The following TSPEAR variants were observed in gnomAD, a reference collection of about 807,000 sequenced individuals.
TSPEAR encodes the protein thrombospondin type laminin G domain and EAR repeats.
In TSPEAR, 69 loss-of-function variants were observed where a neutral mutation model predicts 71.6. The observed-to-expected ratio is 0.96, with a 90% CI of 0.79 to 1.18. The LOEUF (loss-of-function observed/expected upper bound fraction) is 1.18. Ranked by LOEUF, TSPEAR falls within the 50% of genes most tolerant of loss-of-function variation. TSPEAR has a pLI of 0.00. For missense variants in TSPEAR, 971 were observed against 894.9 expected (o/e 1.09, Z -1.09); for synonymous variants, 402 against 387.2 (o/e 1.04, Z -0.45).
At chr21:44,511,903 G>A (rs1327332451) in intron 9 of TSPEAR, among the ~76,000 whole-genome samples, 2 of 152,268 alleles carry the variant, frequency 1.3e-5, no homozygotes, top group Admixed American at 1.3e-4. Context: ...GCTGAGCCGG[G>A]CATCACATCT....
chr21:44,511,370 A>ACACACACAGG (rs377561823), intron 9 of TSPEAR, among the ~76,000 whole-genome samples: 1 of 152,268 alleles, frequency 6.6e-6, no homozygotes, highest in African/African-American at 2.4e-5. Flanking sequence ...GTACACACAC[A>ACACACACAGG]CATATATGCT....
rs1479596545 is a variant in TSPEAR, at chr21:44,520,716, C to G, written c.1566+1167G>C. On this transcript the variant is annotated intron_variant, in intron 9 of 11. Transcript: ENST00000323084. The surrounding 1 kb of genome is among the most constrained non-coding windows in gnomAD (Gnocchi z 4.2). Reference sequence around the variant, plus strand: ...TCTTCCTCCCTTCTGTTTTGAAGCTCATTCCCATGTGCTACCTGCAGGCTT... The same window carrying G: ...TCTTCCTCCCTTCTGTTTTGAAGCTGATTCCCATGTGCTACCTGCAGGCTT... The G allele has an allele frequency of 6.6e-6, 1 of 152,296 alleles. No homozygotes were observed. Among genetic ancestry groups the G allele is most frequent in the Non-Finnish European group, 1.5e-5 (1 of 68,082 alleles). 9.4% of individuals were successfully genotyped at this position (152,296 alleles called of 1,614,324 possible).
At position 44,529,948 on chromosome 21, in the gene TSPEAR, C is replaced by A. The variant is rs782701652; in HGVS notation, c.640G>T (p.Val214Leu). The A allele has an allele frequency of 1.3e-6, 2 of 1,597,628 alleles. No homozygotes were observed. The highest frequency in any genetic ancestry group is 1.7e-6 in the Non-Finnish European group (2 of 1,175,330). ...CCCGGCAGCAGGACCAGTTGCCTCACCAGTCCCTGCAGAGAGAGGGACAGC... is the reference window on the plus strand; with the variant it reads ...CCCGGCAGCAGGACCAGTTGCCTCAACAGTCCCTGCAGAGAGAGGGACAGC... ...RRAKGLFMGL[V>L]RQLVLLPGSD... The change falls in exon 5 of 12, where the codon GTG becomes TTG. Residue 214 changes from valine to leucine, a missense_variant. Physicochemically the swap from Val to Leu is conservative, Grantham distance 32. Coordinates refer to ENST00000323084, the MANE Select transcript of TSPEAR (RefSeq NM_144991.3).
At chr21:44,622,970 C>T (rs1982540521) in intron 1 of TSPEAR, among the ~76,000 whole-genome samples, 1 of 152,026 alleles carries the variant, frequency 6.6e-6, no homozygotes, top group Non-Finnish European at 1.5e-5. Flanking sequence ...ACCTCCCATC[C>T]CCCACTCTCT....
intron 1 of TSPEAR, chr21:44,592,555 A>G (rs1459511561): frequency 1.3e-6 from 2 of 1,546,966 alleles, no homozygotes; most frequent in South Asian, 2.5e-5. Flanking sequence ...CTTTTATTCC[A>G]CCTGGCCTTG....
Position 44,512,260 on chromosome 21 carries a change from A to T in TSPEAR, c.1567-2874T>A, listed in dbSNP as rs188450867. On this transcript the variant is annotated intron_variant, in intron 9 of 11. Coordinates refer to ENST00000323084, the MANE Select transcript of TSPEAR (RefSeq NM_144991.3). Reference sequence around the variant, plus strand: ...GAGGAGGCTTTTGAGCAGAACGAGGAGGTCAGATGTATGTGGACGGCTCTG... The same window carrying T: ...GAGGAGGCTTTTGAGCAGAACGAGGTGGTCAGATGTATGTGGACGGCTCTG... Among the ~76,000 whole-genome samples the T allele has an allele frequency of 6.2e-3, 861 of 138,494 alleles. 9 individuals carry two copies. Among genetic ancestry groups the T allele is most frequent in the African/African-American group, 0.022 (822 of 36,810 alleles). 90.9% of individuals were successfully genotyped at this position (138,494 alleles called of 152,430 possible).
intron 1 of TSPEAR, among the ~76,000 whole-genome samples, chr21:44,655,016 A>T (rs1279217543): frequency 6.6e-6 from 1 of 152,200 alleles, no homozygotes; most frequent in Non-Finnish European, 1.5e-5. Context: ...TGAGAAGCTC[A>T]GTCATCATCA....
chr21:44,517,962 G>C, intron 9 of TSPEAR: 2 of 419,224 alleles, frequency 4.8e-6, no homozygotes, highest in Non-Finnish European at 4.9e-6. Flanking sequence ...TTTTTTTCTA[G>C]AACTTTGGTT....
intron 1 of TSPEAR, chr21:44,646,353 G>C (rs903410285): frequency 6.8e-7 from 1 of 1,467,298 alleles, no homozygotes; most frequent in Middle Eastern, 2.5e-4. Context: ...ACATGCCAGG[G>C]AGGGATTTAA....
intron 1 of TSPEAR, among the ~76,000 whole-genome samples, chr21:44,688,369 A>G (rs1306067732): frequency 3.3e-5 from 5 of 152,184 alleles, no homozygotes; most frequent in Admixed American, 3.3e-4. Flanking sequence ...CACCTTCCCA[A>G]GACCACCACA....
intron 2 of TSPEAR, among the ~76,000 whole-genome samples, chr21:44,549,221 T>C (rs1555918151): frequency 6.6e-6 from 1 of 152,092 alleles, no homozygotes; most frequent in Non-Finnish European, 1.5e-5. Flanking sequence ...AGGAAAGGAA[T>C]GTGAGCTGGT....
chr21:44,570,133 C>T (rs2053771486), intron 1 of TSPEAR, among the ~76,000 whole-genome samples: 1 of 152,160 alleles, frequency 6.6e-6, no homozygotes, highest in Non-Finnish European at 1.5e-5. Context: ...GGCCACCATC[C>T]AGAAGGTGCC....
At position 44,521,965 on chromosome 21, in the gene TSPEAR, G is replaced by A. The variant is rs782489815; in HGVS notation, c.1484C>T (p.Thr495Ile). ...GPYSFLVVAN[T>I]FNGTSTKVHS... is the part of the protein sequence containing the mutation. ...CACCTTGGTGGAGGTGCCGTTGAAG[G>A]TGTTGGCCACCACCAGGAACGAGTA... The change falls in exon 9 of 12, where the codon ACC becomes ATC. Residue 495 changes from threonine (T) to isoleucine (I), a missense_variant. Transcript: ENST00000323084. 2.5e-6 allele frequency: 4 copies of A among 1,614,186 alleles called. No homozygotes were observed. The highest frequency in any genetic ancestry group is 2.2e-5 in the East Asian group (1 of 44,876).
At chr21:44,702,545 T>C (rs1365936834) in intron 1 of TSPEAR, 27 of 1,610,020 alleles carry the variant, frequency 1.7e-5, no homozygotes, top group Middle Eastern at 1.6e-4. Flanking sequence ...GCTTCCTCCC[T>C]GTGCTGCCAG....
intron 1 of TSPEAR, chr21:44,627,144 C>T: frequency 1.2e-6 from 2 of 1,602,350 alleles, no homozygotes; most frequent in Non-Finnish European, 1.7e-6. Flanking sequence ...CTTACACCTC[C>T]CCCAGCTCAC....
At chr21:44,702,705 C>T in intron 1 of TSPEAR, 1 of 1,504,484 alleles carries the variant, frequency 6.6e-7, no homozygotes, top group South Asian at 1.2e-5. Context: ...AGCCCAGCTG[C>T]TGCCACCCAG....
chr21:44,569,946 G>A (rs904146230), intron 1 of TSPEAR, among the ~76,000 whole-genome samples: 25 of 152,222 alleles, frequency 1.6e-4, no homozygotes, highest in African/African-American at 5.8e-4. Flanking sequence ...ATACTGTGGC[G>A]TTGCGTCCTG....
At chr21:44,543,716 C>A (rs1484259966) in intron 2 of TSPEAR, among the ~76,000 whole-genome samples, 2 of 152,144 alleles carry the variant, frequency 1.3e-5, no homozygotes, top group Non-Finnish European at 2.9e-5. Context: ...GCCAAGGGAA[C>A]CCAAGGTTTG....
In TSPEAR at chr21:44,697,491, C is replaced by T; in HGVS notation, c.82+13942G>A. On this transcript the variant is annotated intron_variant, in intron 1 of 11. Coordinates refer to ENST00000323084, the MANE Select transcript of TSPEAR (RefSeq NM_144991.3). The stretch of plus-strand genomic sequence containing the variant: ...AGCTGCCAGCCGGCTTGCTGCACCT[C>T]CTCCCCCTGCCAGCAGGCCTGCTGC... The T allele has an allele frequency of 1.2e-6, 2 of 1,614,034 alleles. No individual in the cohort carries two copies. The highest frequency in any genetic ancestry group is 1.3e-5 in the African/African-American group (1 of 75,016).
Sources: gnomAD v4.1 joint callset for allele counts (sites outside exome capture counted in the v4.1 genomes callset) on GRCh38, gnomAD v4.1.1 for gene constraint, Gnocchi (gnomAD v3.1) non-coding constraint, MANE v1.5 for transcripts, NCBI Gene and HGNC (gene_info 2026-07-23, HGNC 2026-07-21) for gene names.